PLXNA2: variants seen among roughly 807,000 people sequenced by gnomAD.
The protein encoded by PLXNA2 is plexin A2, also known as plexin-A2.
PLXNA2 carries 91 observed loss-of-function variants against 193.5 expected under a neutral mutation model. The ratio of observed to expected loss-of-function variants is 0.47; its 90% CI spans 0.40 to 0.56. The LOEUF (loss-of-function observed/expected upper bound fraction) is 0.56, where lower values mean the gene tolerates loss of function less well. Among genes scored for constraint, PLXNA2 ranks in the 20% least tolerant of loss-of-function variants. The pLI, the probability that PLXNA2 is intolerant of heterozygous loss-of-function variation, is 0.00. For missense variants in PLXNA2, 1,995 were observed against 2,503.2 expected, an observed-to-expected ratio of 0.80 and a Z score of 4.33; for synonymous variants, 997 against 1,027.3, an observed-to-expected ratio of 0.97 and a Z score of 0.56.
At chr1:208,111,307 C>A (rs1367364413) in intron 4 of PLXNA2, among the ~76,000 whole-genome samples, 2 of 152,112 alleles carry the variant, frequency 1.3e-5, no homozygotes, top group South Asian at 2.1e-4. Flanking sequence ...GGCTCAAGGG[C>A]TCTCCTACCT....
chr1:208,159,324 T>C (rs1249549317), intron 3 of PLXNA2, among the ~76,000 whole-genome samples: 1 of 152,216 alleles, frequency 6.6e-6, no homozygotes, highest in Non-Finnish European at 1.5e-5. Context: ...TTTTTTGATC[T>C]TCATGATCAT....
rs898380197 is a variant in PLXNA2 at position 208,023,561 on chromosome 1, T to A, written c.*3682A>T. The A allele has an allele frequency of 6.5e-6, 1 of 152,692 alleles. No homozygotes were observed. Among genetic ancestry groups the A allele is most frequent in the Non-Finnish European group, 1.5e-5 (1 of 68,144 alleles). The allele number at this position is 152,692 out of a possible 1,614,324, so 9.5% of individuals were successfully genotyped here. ...GGTGAAGTGCAGCCAGAAGAGATGGTGGCAGTAGAAACAAGAGCAGCTCTC... is the reference window on the plus strand; with the variant it reads ...GGTGAAGTGCAGCCAGAAGAGATGGAGGCAGTAGAAACAAGAGCAGCTCTC... On this transcript the variant is annotated 3_prime_UTR_variant, in exon 32 of 32. Transcript: ENST00000367033.
In PLXNA2 at chr1:208,088,785, G is replaced by T. The variant is rs142434594; in HGVS notation, c.2097+4001C>A. Among the ~76,000 whole-genome samples, 303 of 152,356 alleles carry T rather than the reference G, an allele frequency of 2.0e-3. 3 individuals are homozygous for T. Among genetic ancestry groups the T allele is most frequent in the African/African-American group, 5.7e-3 (239 of 41,588 alleles). Reference sequence around the variant, plus strand: ...TGAAAGAGGAAAATCAATGTGTGTTGTAAGTGGTAATATGCTGGATTGACA... The same window carrying T: ...TGAAAGAGGAAAATCAATGTGTGTTTTAAGTGGTAATATGCTGGATTGACA... On this transcript the variant is annotated intron_variant, in intron 9 of 31. Transcript: ENST00000367033.
chr1:208,224,163 G>C (rs183692658), intron 1 of PLXNA2, among the ~76,000 whole-genome samples: 1 of 152,280 alleles, frequency 6.6e-6, no homozygotes, highest in African/African-American at 2.4e-5. Flanking sequence ...CAAAAGCCCC[G>C]GGTAATGCCG....
intron 12 of PLXNA2, among the ~76,000 whole-genome samples, chr1:208,073,114 G>A (rs781229316): frequency 2.0e-5 from 3 of 152,204 alleles, no homozygotes; most frequent in Non-Finnish European, 4.4e-5. Context: ...AACTTGCAGG[G>A]TTGTTTGAAG....
intron 4 of PLXNA2, among the ~76,000 whole-genome samples, chr1:208,141,243 C>A (rs762067899): frequency 7.9e-5 from 12 of 152,200 alleles, no homozygotes; most frequent in Non-Finnish European, 1.5e-4. Context: ...ACACTTATCT[C>A]TTCCTTACTT....
intron 3 of PLXNA2, among the ~76,000 whole-genome samples, chr1:208,195,303 C>G (rs1670321761): frequency 6.6e-6 from 1 of 152,186 alleles, no homozygotes; most frequent in Non-Finnish European, 1.5e-5. Flanking sequence ...CTAGGGAAGA[C>G]AGGCATGAGG....
At chr1:208,057,932 A>G (rs965485985) in intron 13 of PLXNA2, among the ~76,000 whole-genome samples, 1 of 152,148 alleles carries the variant, frequency 6.6e-6, no homozygotes, top group Non-Finnish European at 1.5e-5. Flanking sequence ...ATTCCTAAAT[A>G]CCTGTTTTCC....
chr1:208,161,055 T>G (rs1669092476), intron 3 of PLXNA2, among the ~76,000 whole-genome samples: 1 of 152,240 alleles, frequency 6.6e-6, no homozygotes, highest in Non-Finnish European at 1.5e-5. Context: ...CACCCAGAGC[T>G]GCTGCTCCTA....
intron 3 of PLXNA2, among the ~76,000 whole-genome samples, chr1:208,145,628 G>T (rs1668580142): frequency 6.6e-6 from 1 of 152,172 alleles, no homozygotes; most frequent in South Asian, 2.1e-4. Context: ...GGACCAGATG[G>T]TACCCGTGGC....
Position 208,236,133 on chromosome 1 carries a change from C to T in PLXNA2, c.-81+7510G>A, listed in dbSNP as rs376235502. ...CTGGAACGAGAGCTTTGCTGACTCA[C>T]GAGGGGCCTCCTGCCTGTGGACGGG... On this transcript the variant is annotated intron_variant, in intron 1 of 31. Coordinates refer to ENST00000367033, the MANE Select transcript of PLXNA2 (RefSeq NM_025179.4). This position sits in a 1 kb window ranked among gnomAD's most constrained non-coding sequence, Gnocchi z 4.4. Among the ~76,000 whole-genome samples the T allele has an allele frequency of 5.9e-5, 9 of 152,272 alleles. No homozygotes were observed. Among genetic ancestry groups the T allele is most frequent in the African/African-American group, 1.7e-4 (7 of 41,554 alleles).
chr1:208,052,521 A>G (rs1363197374), intron 14 of PLXNA2, 58 bp from the exon 15 acceptor site: 7 of 1,562,528 alleles, frequency 4.5e-6, no homozygotes, highest in Admixed American at 3.4e-5. Flanking sequence ...AGGATGGACC[A>G]TGGTTAGATC....
intron 3 of PLXNA2, among the ~76,000 whole-genome samples, chr1:208,153,145 G>T (rs1298932656): frequency 6.6e-6 from 1 of 152,216 alleles, no homozygotes; most frequent in Non-Finnish European, 1.5e-5. Flanking sequence ...CTGTTGCTGA[G>T]ACTGGGCAGG....
chr1:208,081,811 A>G (rs1031077353), intron 11 of PLXNA2, among the ~76,000 whole-genome samples: 10 of 152,132 alleles, frequency 6.6e-5, no homozygotes, highest in African/African-American at 2.4e-4. Context: ...GAATCTTGGC[A>G]TTTGCTGCAC....
intron 3 of PLXNA2, among the ~76,000 whole-genome samples, chr1:208,152,852 T>TCACG (rs61557778): frequency 2.6e-5 from 4 of 151,658 alleles, no homozygotes; most frequent in Admixed American, 6.6e-5. Flanking sequence ...CGCCTTTGCT[T>TCACG]GACAATTTAT....
At chr1:208,199,893 C>T (rs895740712) in intron 3 of PLXNA2, among the ~76,000 whole-genome samples, 1 of 152,106 alleles carries the variant, frequency 6.6e-6, no homozygotes, top group Non-Finnish European at 1.5e-5. Context: ...GTCAGTAGAC[C>T]AGATCAGTTT....
At chr1:208,070,725 C>T (rs1017878603) in intron 12 of PLXNA2, among the ~76,000 whole-genome samples, 1 of 152,182 alleles carries the variant, frequency 6.6e-6, no homozygotes, top group Admixed American at 6.5e-5. Flanking sequence ...CTTCAGTGTT[C>T]TCATCTGTAA....
chr1:208,231,782 G>T (rs923650195), intron 1 of PLXNA2, among the ~76,000 whole-genome samples: 3 of 152,220 alleles, frequency 2.0e-5, no homozygotes, highest in Non-Finnish European at 4.4e-5. Flanking sequence ...TTTGGCAAAG[G>T]CACCAGATGT....
At chr1:208,029,841 G>C (rs1664447031) in intron 29 of PLXNA2, 1 of 985,500 alleles carries the variant, frequency 1.0e-6, no homozygotes, top group African/African-American at 1.7e-5. Context: ...AATCAGAACA[G>C]CTGCTGCTTT....
Sources: gnomAD v4.1 joint callset for allele counts (sites outside exome capture counted in the v4.1 genomes callset) on GRCh38, gnomAD v4.1.1 for gene constraint, Gnocchi (gnomAD v3.1) non-coding constraint, MANE v1.5 for transcripts, NCBI Gene and HGNC (gene_info 2026-07-23, HGNC 2026-07-21) for gene names.